The following RPSA2 variants were observed in gnomAD, a reference collection of about 807,000 sequenced individuals.
The protein encoded by RPSA2 is ribosomal protein SA 2.
the RPSA2 span, among the ~76,000 whole-genome samples, chr19:23,833,852 G>T: frequency 3.9e-5 from 6 of 152,006 alleles, no homozygotes; most frequent in African/African-American, 1.4e-4. Flanking sequence ...AAATCTTATT[G>T]TACACATTTT....
At chr19:23,809,301 T>C in the RPSA2 span, 1 of 152,456 alleles carries the variant, frequency 6.6e-6, no homozygotes, top group African/African-American at 2.4e-5. Flanking sequence ...TAAAGTATGA[T>C]GTCCTTCTGC....
chr19:23,832,894 G>A, the RPSA2 span: 2 of 1,564,378 alleles, frequency 1.3e-6, no homozygotes, highest in Non-Finnish European at 1.7e-6. Flanking sequence ...CTACAAATGT[G>A]AGGAACGTGG....
chr19:23,803,591 TA>T, the RPSA2 span, among the ~76,000 whole-genome samples: 16,861 of 19,872 alleles, frequency 0.85, 8,091 homozygotes, highest in Middle Eastern at 1. Context: ...ATACATTTTT[TA>T]AAAAAAATCA....
chr19:23,854,574 C>T, the RPSA2 span, among the ~76,000 whole-genome samples: 5 of 152,126 alleles, frequency 3.3e-5, no homozygotes, highest in East Asian at 3.9e-4. Flanking sequence ...AAGGGATTTC[C>T]ATCTATATCA....
chr19:23,831,397 T>G, the RPSA2 span, among the ~76,000 whole-genome samples: 1 of 152,162 alleles, frequency 6.6e-6, no homozygotes, highest in African/African-American at 2.4e-5. Context: ...ACACACTTAT[T>G]TATAAATTTT....
chr19:23,866,441 A>G, the RPSA2 span, among the ~76,000 whole-genome samples: 2 of 152,192 alleles, frequency 1.3e-5, no homozygotes, highest in Non-Finnish European at 2.9e-5. Flanking sequence ...TGTTATAATT[A>G]TGGAAAAACT....
At chr19:23,807,195 A>G in the RPSA2 span, among the ~76,000 whole-genome samples, 2 of 151,968 alleles carry the variant, frequency 1.3e-5, no homozygotes, top group African/African-American at 2.4e-5. Context: ...TTTTCTTTGT[A>G]TTTATCTTTC....
At chr19:23,799,644 T>TGCACTAGTCA in the RPSA2 span, among the ~76,000 whole-genome samples, 8 of 51,572 alleles carry the variant, frequency 1.6e-4, 2 homozygotes, top group African/African-American at 2.6e-4. Flanking sequence ...GAAGCCGGAG[T>TGCACTAGTCA]ACTGTAACCC....
the RPSA2 span, among the ~76,000 whole-genome samples, chr19:23,833,787 C>T: frequency 6.6e-6 from 1 of 151,962 alleles, no homozygotes; most frequent in African/African-American, 2.4e-5. Context: ...AGAGTATTTA[C>T]TTTAAAAAAG....
the RPSA2 span, among the ~76,000 whole-genome samples, chr19:23,860,053 C>A: frequency 1.3e-5 from 2 of 152,218 alleles, no homozygotes; most frequent in Non-Finnish European, 2.9e-5. Context: ...GTTTGCATTG[C>A]ACTTTGCTGA....
the RPSA2 span, among the ~76,000 whole-genome samples, chr19:23,800,564 C>T: frequency 1.3e-5 from 2 of 152,050 alleles, no homozygotes; most frequent in Non-Finnish European, 1.5e-5. Context: ...TATTTGGTAT[C>T]TATAGTCCTC....
chr19:23,780,717 T>C, the RPSA2 span, among the ~76,000 whole-genome samples: 2 of 152,208 alleles, frequency 1.3e-5, no homozygotes, highest in African/African-American at 4.8e-5. Context: ...ATGGTAACTC[T>C]ATAAGATCAT....
chr19:23,863,590 T>C, the RPSA2 span, among the ~76,000 whole-genome samples: 3 of 144,584 alleles, frequency 2.1e-5, no homozygotes, highest in Admixed American at 1.4e-4. Flanking sequence ...AAAAAGGCAC[T>C]CTAGACAGAT....
the RPSA2 span, among the ~76,000 whole-genome samples, chr19:23,784,194 A>T: frequency 1.3e-5 from 2 of 152,214 alleles, no homozygotes; most frequent in African/African-American, 4.8e-5. Context: ...TTCTTTCTGT[A>T]CAAATGTCAT....
At chr19:23,842,775 A>G in the RPSA2 span, 2 of 152,180 alleles carry the variant, frequency 1.3e-5, no homozygotes, top group South Asian at 2.1e-4. Flanking sequence ...TTATTTTTAG[A>G]TCAACCCTTT....
the RPSA2 span, among the ~76,000 whole-genome samples, chr19:23,857,149 A>T: frequency 1.3e-5 from 2 of 152,262 alleles, no homozygotes; most frequent in African/African-American, 4.8e-5. Flanking sequence ...TAATATCAAT[A>T]TTCCTTGCTA....
At chr19:23,773,071 T>C in the RPSA2 span, among the ~76,000 whole-genome samples, 148,160 of 151,484 alleles carry the variant, frequency 0.98, 72,547 homozygotes, top group Middle Eastern at 1. Flanking sequence ...CTCCGTCTCC[T>C]CCTGTGTGTA....
At chr19:23,793,347 C>CT in the RPSA2 span, among the ~76,000 whole-genome samples, 6,612 of 107,158 alleles carry the variant, frequency 0.062, 217 homozygotes, top group South Asian at 0.26. Context: ...ATTTATTTCA[C>CT]TTTTTTGGGG....
chr19:23,848,332 T>C, the RPSA2 span, among the ~76,000 whole-genome samples: 2 of 152,106 alleles, frequency 1.3e-5, no homozygotes, highest in African/African-American at 4.8e-5. Context: ...TGAAGGCTTG[T>C]TCATTCTCTC....
Sources: allele counts gnomAD v4.1 joint callset (sites outside exome capture counted in the v4.1 genomes callset), GRCh38; gene constraint gnomAD v4.1.1; transcripts MANE v1.5; gene names NCBI Gene and HGNC (gene_info 2026-07-23, HGNC 2026-07-21).